Variants in ZDHHC1 observed in about 807,000 individuals in gnomAD.
ZDHHC1 encodes zDHHC palmitoyltransferase 1.
ZDHHC1 carries 45 observed loss-of-function variants against 46.9 expected under a neutral mutation model. That is an observed-to-expected ratio of 0.96 (90% CI 0.76 to 1.23). ZDHHC1 has a LOEUF of 1.23. Ranked by LOEUF, ZDHHC1 falls within the 50% of genes most tolerant of loss-of-function variation. The pLI is 0.00. For synonymous variants in ZDHHC1, 291 were observed against 286.0 expected, an observed-to-expected ratio of 1.02 and a Z score of -0.18; for missense variants, 649 against 670.8, an observed-to-expected ratio of 0.97 and a Z score of 0.36.
chr16:67,402,547 T>C (rs939585661), intron 3 of ZDHHC1, among the ~76,000 whole-genome samples: 1 of 152,178 alleles, frequency 6.6e-6, no homozygotes, highest in Non-Finnish European at 1.5e-5. Context: ...CTGAGGTCTT[T>C]TGTTGTGACA....
chr16:67,407,740 C>T (rs2040687828), intron 2 of ZDHHC1, 27 bp downstream of exon 2: 1 of 780,962 alleles, frequency 1.3e-6, no homozygotes, highest in Non-Finnish European at 2.4e-6. Context: ...CCCCTATGTC[C>T]CTTCCCCCAG....
Position 67,401,076 on chromosome 16 carries a change from G to A in ZDHHC1, c.309C>T (p.Ile103=), listed in dbSNP as rs766909313. Residue 103 remains isoleucine, a synonymous_variant, in exon 4 of 12, where the codon ATC becomes ATT. Coordinates refer to ENST00000565726, the MANE Select transcript of ZDHHC1 (RefSeq NM_001323627.2). The surrounding 1 kb of genome is among the most constrained non-coding windows in gnomAD (Gnocchi z 4.6). ...HLVVHLTAVS[I]DPADANVRDK... is the part of the protein sequence containing the mutation. ...CCCGCACGTTGGCATCTGCTGGATC[G>A]ATGGAGACGGCGGTCAGGTGCACCA... 12 of 1,614,022 alleles carry A rather than the reference G, an allele frequency of 7.4e-6. No homozygotes were observed. Among genetic ancestry groups the A allele is most frequent in the South Asian group, 3.3e-5 (3 of 91,084 alleles).
At position 67,394,330 on chromosome 16, in the gene ZDHHC1, A is replaced by T. The variant is rs2040371210; in HGVS notation, c.*280T>A. On this transcript the variant is annotated 3_prime_UTR_variant, in exon 12 of 12. Coordinates refer to ENST00000565726, the MANE Select transcript of ZDHHC1 (RefSeq NM_001323627.2). ...CAGCCTGGGTGGCTACCTACTATACAGGGACCTCCTCCCCGCCCCCGGTCC... is the reference window on the plus strand; with the variant it reads ...CAGCCTGGGTGGCTACCTACTATACTGGGACCTCCTCCCCGCCCCCGGTCC... 1 of 165,310 alleles carries T rather than the reference A, an allele frequency of 6.0e-6. No individual in the cohort carries two copies. The highest frequency in any genetic ancestry group is 2.4e-5 in the African/African-American group (1 of 41,948). 10.2% of individuals were successfully genotyped at this position (165,310 alleles called of 1,614,324 possible). A position where few individuals can be genotyped will look rare whatever the true frequency, so the allele number is the denominator to read the frequency against.
chr16:67,414,936 A>G (rs1158228197), intron 1 of ZDHHC1, among the ~76,000 whole-genome samples: 1 of 152,170 alleles, frequency 6.6e-6, no homozygotes, highest in Admixed American at 6.5e-5. Context: ...CAGGAGTTCA[A>G]GACCAGCCTG....
intron 5 of ZDHHC1, 110 bp from the exon 6 acceptor site, chr16:67,399,054 C>T: frequency 9.3e-6 from 13 of 1,393,966 alleles, no homozygotes; most frequent in Non-Finnish European, 1.2e-5. Context: ...CTGAGGGTGA[C>T]CCCACAGCCC....
chr16:67,410,640 AATTAATT>A (rs1019766685), intron 1 of ZDHHC1, among the ~76,000 whole-genome samples: 5 of 143,208 alleles, frequency 3.5e-5, no homozygotes, highest in African/African-American at 1.1e-4. Context: ...AGGCTACCTT[AATTAATT>A]ATTATTATTA....
Position 67,395,470 on chromosome 16 carries a change from C to A in ZDHHC1, c.1010+14G>T. ...CTGGAGATGCCCAGTGGCACATGCC[C>A]AGGTTGCACTCACTTGGCATTCACT... On this transcript the variant is annotated intron_variant, in intron 9 of 11. Transcript: ENST00000565726. 6.4e-7 allele frequency: 1 copy of A among 1,551,742 alleles called. No homozygotes were observed. Among genetic ancestry groups the A allele is most frequent in the Non-Finnish European group, 8.7e-7 (1 of 1,147,256 alleles).
chr16:67,395,377 A>T, intron 9 of ZDHHC1, 97 bp from the exon 10 acceptor site: 1 of 1,515,438 alleles, frequency 6.6e-7, no homozygotes, highest in Non-Finnish European at 8.8e-7. Context: ...TAGCTCAGAG[A>T]AGGGCCTGAC....
At chr16:67,395,447 G>A in intron 9 of ZDHHC1, 37 bp downstream of exon 9, 1 of 1,550,116 alleles carries the variant, frequency 6.5e-7, no homozygotes, top group South Asian at 1.2e-5. Context: ...CATGCTAACT[G>A]GAGATGCCCA....
In ZDHHC1 at chr16:67,394,604, G is replaced by A. The variant is rs917545389; in HGVS notation, c.*6C>T. On this transcript the variant is annotated 3_prime_UTR_variant, in exon 12 of 12. Coordinates refer to ENST00000565726, the MANE Select transcript of ZDHHC1 (RefSeq NM_001323627.2). ...TCTAACTCGGCCCTCCGGCCTCTCGGCCCAGCTAAGCCAGACCAGCCTCCC... is the reference window on the plus strand; with the variant it reads ...TCTAACTCGGCCCTCCGGCCTCTCGACCCAGCTAAGCCAGACCAGCCTCCC... 20 of 1,178,046 alleles carry A rather than the reference G, an allele frequency of 1.7e-5. No homozygotes were observed. The highest frequency in any genetic ancestry group is 2.1e-5 in the Non-Finnish European group (20 of 953,614). The allele number at this position is 1,178,046 out of a possible 1,614,324, so 73.0% of individuals were successfully genotyped here.
At chr16:67,399,672 G>T (rs951364485) in intron 4 of ZDHHC1, among the ~76,000 whole-genome samples, 1 of 152,180 alleles carries the variant, frequency 6.6e-6, no homozygotes, top group Non-Finnish European at 1.5e-5. Context: ...GGACCCCAGA[G>T]GCCGCAGGAG....
chr16:67,404,912 C>G (rs1381993626), intron 3 of ZDHHC1, among the ~76,000 whole-genome samples: 1 of 152,206 alleles, frequency 6.6e-6, no homozygotes, highest in Non-Finnish European at 1.5e-5. Context: ...TCTGGTTTCC[C>G]AGGTATCCTG....
Position 67,406,199 on chromosome 16 carries a change from C to G in ZDHHC1, c.252+1G>C, listed in dbSNP as rs1013507490. 2 of 1,613,444 alleles carry G rather than the reference C, an allele frequency of 1.2e-6. No homozygotes were observed. Among genetic ancestry groups the G allele is most frequent in the Non-Finnish European group, 1.7e-6 (2 of 1,179,764 alleles). On this transcript the variant is annotated splice_donor_variant, in intron 3 of 11. Coordinates refer to ENST00000565726, the MANE Select transcript of ZDHHC1 (RefSeq NM_001323627.2). LOFTEE classifies it high-confidence loss of function. The surrounding 1 kb of genome is among the most constrained non-coding windows in gnomAD (Gnocchi z 4.1). ...CCAGCCCTACGCTTTCCCAAGGATA[C>G]AGCGTAGCCAGCGGGCACCCAGTGG...
intron 4 of ZDHHC1, 44 bp from the exon 5 acceptor site, chr16:67,399,500 C>A: frequency 6.5e-7 from 1 of 1,537,912 alleles, no homozygotes; most frequent in South Asian, 1.1e-5. Flanking sequence ...GCTCATTCCC[C>A]GCTCTGCGGC....
At chr16:67,396,829 G>A (rs1011344097) in intron 8 of ZDHHC1, among the ~76,000 whole-genome samples, 3 of 152,224 alleles carry the variant, frequency 2.0e-5, no homozygotes, top group African/African-American at 7.2e-5. Context: ...CCACTGGGGG[G>A]CCCTGGGCTC....
At chr16:67,397,205 G>A (rs1012683037) in intron 8 of ZDHHC1, among the ~76,000 whole-genome samples, 1 of 152,240 alleles carries the variant, frequency 6.6e-6, no homozygotes, top group Non-Finnish European at 1.5e-5. Flanking sequence ...TGGCAGCGCA[G>A]GGCCAAAGAG....
chr16:67,408,607 C>G (rs1440069554), intron 1 of ZDHHC1, among the ~76,000 whole-genome samples: 1 of 152,166 alleles, frequency 6.6e-6, no homozygotes. Context: ...CTGCCTCAGC[C>G]TCCTGAGTAG....
At chr16:67,411,279 G>C (rs1264940243) in intron 1 of ZDHHC1, among the ~76,000 whole-genome samples, 1 of 152,172 alleles carries the variant, frequency 6.6e-6, no homozygotes, top group Non-Finnish European at 1.5e-5. Context: ...CAAGGAACTG[G>C]GAGGGCAGGG....
chr16:67,407,193 C>T (rs1413994629), intron 2 of ZDHHC1, among the ~76,000 whole-genome samples: 1 of 152,232 alleles, frequency 6.6e-6, no homozygotes, highest in Non-Finnish European at 1.5e-5. Context: ...CCACCCCCTC[C>T]ACCCGCCACC....
Sources: allele counts gnomAD v4.1 joint callset (sites outside exome capture counted in the v4.1 genomes callset), GRCh38; gene constraint gnomAD v4.1.1; non-coding constraint Gnocchi (gnomAD v3.1); transcripts MANE v1.5; gene names NCBI Gene and HGNC (gene_info 2026-07-23, HGNC 2026-07-21).